Variants in RABGAP1 observed in about 807,000 individuals in gnomAD.
The protein encoded by RABGAP1 is RAB GTPase activating protein 1.
In RABGAP1, 23 loss-of-function variants were observed where a neutral mutation model predicts 137.6. That is an observed-to-expected ratio of 0.17 (90% CI 0.12 to 0.24). The LOEUF (loss-of-function observed/expected upper bound fraction) is 0.24. Ranked by LOEUF, RABGAP1 falls within the 10% of genes least tolerant of loss-of-function variation. RABGAP1 has a pLI of 1.00. For missense variants in RABGAP1, 906 were observed against 1,275.8 expected, an observed-to-expected ratio of 0.71 and a Z score of 4.42; for synonymous variants, 451 against 450.7, an observed-to-expected ratio of 1.00 and a Z score of -0.01.
intron 13 of RABGAP1, among the ~76,000 whole-genome samples, chr9:123,038,396 C>T (rs1226054040): frequency 6.6e-6 from 1 of 151,968 alleles, no homozygotes; most frequent in African/African-American, 2.4e-5. Context: ...ATGCATTGCC[C>T]ACCTCCTTGA....
At chr9:123,024,192 A>G (rs2031819729) in intron 13 of RABGAP1, among the ~76,000 whole-genome samples, 2 of 152,210 alleles carry the variant, frequency 1.3e-5, no homozygotes, top group African/African-American at 4.8e-5. Flanking sequence ...AAAATTTTTT[A>G]GGTTTTTAAA....
chr9:122,997,410 A>G, intron 9 of RABGAP1, 49 bp downstream of exon 9: 1 of 1,400,310 alleles, frequency 7.1e-7, no homozygotes, highest in Non-Finnish European at 9.8e-7. Context: ...TCTCAAGAAG[A>G]GATGCAAAAC....
chr9:122,994,807 G>A (rs1225777233), intron 6 of RABGAP1, among the ~76,000 whole-genome samples: 1 of 151,888 alleles, frequency 6.6e-6, no homozygotes, highest in Non-Finnish European at 1.5e-5. Context: ...GGGAGAACAG[G>A]GGATTATTTT....
chr9:123,011,328 C>A (rs1238385348), intron 11 of RABGAP1, among the ~76,000 whole-genome samples: 3 of 152,024 alleles, frequency 2.0e-5, no homozygotes, highest in Non-Finnish European at 4.4e-5. Flanking sequence ...CTTTTAAGTG[C>A]AAGGAGAATC....
intron 14 of RABGAP1, among the ~76,000 whole-genome samples, chr9:123,066,623 G>T (rs1176140399): frequency 6.6e-6 from 1 of 151,034 alleles, no homozygotes; most frequent in Non-Finnish European, 1.5e-5. Flanking sequence ...CTTCCTCTGG[G>T]TGCTCAGTTG....
At chr9:122,949,231 G>T (rs777566056) in intron 1 of RABGAP1, among the ~76,000 whole-genome samples, 1 of 151,904 alleles carries the variant, frequency 6.6e-6, no homozygotes, top group Non-Finnish European at 1.5e-5. Context: ...CAAAAATTAC[G>T]GCTGGCTGCG....
At chr9:123,096,859 C>T (rs532770704) in intron 21 of RABGAP1, among the ~76,000 whole-genome samples, 8 of 152,316 alleles carry the variant, frequency 5.3e-5, no homozygotes, top group Admixed American at 4.6e-4. Context: ...CGTGAGCCAC[C>T]GCACCTGGCC....
chr9:123,082,991 T>C (rs150756380), intron 19 of RABGAP1, among the ~76,000 whole-genome samples: 78 of 152,362 alleles, frequency 5.1e-4, no homozygotes, highest in Middle Eastern at 3.4e-3. Context: ...TCTTGTTTGT[T>C]GATGGATTCG....
intron 21 of RABGAP1, 113 bp downstream of exon 21, chr9:123,090,498 G>A (rs2035003107): frequency 5.1e-6 from 4 of 790,682 alleles, no homozygotes; most frequent in East Asian, 3.0e-5. Context: ...AAAGTTTCCC[G>A]CTTGTGATAC....
chr9:123,008,544 C>CA (rs34127466), intron 10 of RABGAP1, among the ~76,000 whole-genome samples: 1,883 of 52,732 alleles, frequency 0.036, 42 homozygotes, highest in East Asian at 0.12. Flanking sequence ...GACTCCATCT[C>CA]AAAAAAAAAA....
At chr9:123,082,304 C>A (rs896954176) in intron 19 of RABGAP1, among the ~76,000 whole-genome samples, 3 of 152,104 alleles carry the variant, frequency 2.0e-5, no homozygotes, top group Non-Finnish European at 4.4e-5. Context: ...ACTTCTCCCG[C>A]TTTATGGGTC....
At chr9:122,964,350 TA>T (rs919986652) in intron 2 of RABGAP1, among the ~76,000 whole-genome samples, 12 of 151,980 alleles carry the variant, frequency 7.9e-5, no homozygotes, top group Non-Finnish European at 1.5e-4. Context: ...TATATAAATA[TA>T]AAAAAGATTA....
intron 13 of RABGAP1, among the ~76,000 whole-genome samples, chr9:123,028,147 T>C (rs1459525115): frequency 6.6e-6 from 1 of 152,224 alleles, no homozygotes; most frequent in Non-Finnish European, 1.5e-5. Context: ...CTAATAATTA[T>C]AGGTGAGTTA....
intron 13 of RABGAP1, among the ~76,000 whole-genome samples, chr9:123,064,668 T>C (rs2034108812): frequency 6.6e-6 from 1 of 152,232 alleles, no homozygotes; most frequent in Non-Finnish European, 1.5e-5. Context: ...GGGAGAATAT[T>C]AGAAATAACT....
intron 13 of RABGAP1, among the ~76,000 whole-genome samples, chr9:123,040,807 A>T (rs2032915926): frequency 6.6e-6 from 1 of 152,172 alleles, no homozygotes; most frequent in Non-Finnish European, 1.5e-5. Flanking sequence ...ATAATTAGGG[A>T]TGTGATATTA....
intron 13 of RABGAP1, among the ~76,000 whole-genome samples, chr9:123,032,241 A>C (rs1006130288): frequency 3.9e-5 from 6 of 152,138 alleles, no homozygotes; most frequent in African/African-American, 1.4e-4. Context: ...TATATACTTT[A>C]TTTCTCAACA....
intron 13 of RABGAP1, among the ~76,000 whole-genome samples, chr9:123,058,041 T>C (rs1010216452): frequency 6.2e-4 from 27 of 43,772 alleles, no homozygotes; most frequent in Non-Finnish European, 1.1e-3. Flanking sequence ...AGGGAGACCG[T>C]GGAAAGAGAG....
rs144886220 is a variant in RABGAP1, at chr9:123,062,469, A to G, written c.1795-2879A>G. 120 of 152,332 alleles carry G rather than the reference A, an allele frequency of 7.9e-4. 2 individuals carry two copies. The highest frequency in any genetic ancestry group is 2.8e-3 in the African/African-American group (116 of 41,576). The allele number at this position is 152,332 out of a possible 1,614,324, so 9.4% of individuals were successfully genotyped here. A position where few individuals can be genotyped will look rare whatever the true frequency, so the allele number is the denominator to read the frequency against. ...ATTAGAATTTCTGCATCACTTTTGCATGATGTGGCCTCCAGCAAGTCAAAT... is the reference window on the plus strand; with the variant it reads ...ATTAGAATTTCTGCATCACTTTTGCGTGATGTGGCCTCCAGCAAGTCAAAT... On this transcript the variant is annotated intron_variant, in intron 13 of 25. Coordinates refer to ENST00000373647, the MANE Select transcript of RABGAP1 (RefSeq NM_012197.4).
chr9:123,018,177 G>T (rs2031373328), intron 12 of RABGAP1, among the ~76,000 whole-genome samples: 1 of 152,090 alleles, frequency 6.6e-6, no homozygotes, highest in Non-Finnish European at 1.5e-5. Flanking sequence ...TGTATTTTTA[G>T]TAGAGACAGG....
Sources: gnomAD v4.1 joint callset for allele counts (sites outside exome capture counted in the v4.1 genomes callset) on GRCh38, gnomAD v4.1.1 for gene constraint, MANE v1.5 for transcripts, NCBI Gene and HGNC (gene_info 2026-07-23, HGNC 2026-07-21) for gene names.